CRISP2: variants seen among roughly 807,000 people sequenced by gnomAD.
The protein encoded by CRISP2 is cysteine-rich secretory protein 2.
Under a neutral mutation model 31.7 loss-of-function variants are expected in CRISP2, and 29 were observed. The ratio of observed to expected loss-of-function variants is 0.92; its 90% CI spans 0.68 to 1.25. The LOEUF is 1.25. Among genes scored for constraint, CRISP2 ranks in the 50% most tolerant of loss-of-function variants. CRISP2 has a pLI of 0.00. For synonymous variants in CRISP2, 111 were observed against 101.4 expected (o/e 1.09, Z -0.57); for missense variants, 318 against 286.5 (o/e 1.11, Z -0.79).
At chr6:49,680,862 A>G in the CRISP2 span, among the ~76,000 whole-genome samples, 1 of 151,800 alleles carries the variant, frequency 6.6e-6, no homozygotes, top group Non-Finnish European at 1.5e-5. Context: ...TTTTTCTTGT[A>G]AATTTAAGTT....
chr6:49,701,861 TTATTATATATTATG>T (rs1322580416), intron 4 of CRISP2, among the ~76,000 whole-genome samples: 2 of 102,758 alleles, frequency 1.9e-5, no homozygotes, highest in East Asian at 2.6e-4. Flanking sequence ...ATAATATATA[TTATTATATATTATG>T]TATTATATAT....
At chr6:49,700,035 T>A (rs1765400922) in intron 5 of CRISP2, 144 bp from the exon 6 acceptor site, 2 of 748,384 alleles carry the variant, frequency 2.7e-6, no homozygotes, top group African/African-American at 3.5e-5. Context: ...TAAGTGTTTT[T>A]ATCTCTTCTG....
chr6:49,694,832 CAAGCGATT>C, intron 9 of CRISP2, among the ~76,000 whole-genome samples: 1 of 150,218 alleles, frequency 6.7e-6, no homozygotes, highest in South Asian at 2.1e-4. Flanking sequence ...CTCCTGGGTT[CAAGCGATT>C]CTCCTGCCTC....
chr6:49,679,020 C>T, the CRISP2 span, among the ~76,000 whole-genome samples: 3 of 152,260 alleles, frequency 2.0e-5, no homozygotes, highest in Middle Eastern at 3.4e-3. Context: ...ATTCTGTTAA[C>T]ATTTAATATC....
chr6:49,678,637 T>C, the CRISP2 span, among the ~76,000 whole-genome samples: 6 of 152,216 alleles, frequency 3.9e-5, no homozygotes, highest in East Asian at 1.9e-4. Context: ...GGGATTTAAA[T>C]TGAAGGAGGT....
At position 49,702,139 on chromosome 6, in the gene CRISP2, CTATATATATATATATATATATAT is replaced by C. The variant is rs1226444008; in HGVS notation, c.67-1378_67-1356del. On this transcript the variant is annotated intron_variant, in intron 4 of 9. Transcript: ENST00000339139. ...TATGTATACATTATATATATGTGTACTATATATATATATATATATATATATATATATATATATATATATAACAT... is the reference window on the plus strand; with the variant it reads ...TATGTATACATTATATATATGTGTACATATATATATATATATATATAACAT... Among the ~76,000 whole-genome samples, 85 of 91,526 alleles carry C rather than the reference CTATATATATATATATATATATAT, an allele frequency of 9.3e-4. 3 individuals carry two copies. The highest frequency in any genetic ancestry group is 9.6e-3 in the Middle Eastern group (1 of 104). The allele number at this position is 91,526 out of a possible 152,430, so 60.0% of individuals were successfully genotyped here. A position where few individuals can be genotyped will look rare whatever the true frequency, so the allele number is the denominator to read the frequency against.
the CRISP2 span, among the ~76,000 whole-genome samples, chr6:49,678,395 C>G: frequency 2.6e-5 from 4 of 152,228 alleles, no homozygotes; most frequent in Middle Eastern, 3.4e-3. Flanking sequence ...TAAATAAACT[C>G]CAATTGCTTT....
chr6:49,700,936 A>G, intron 4 of CRISP2, 152 bp from the exon 5 acceptor site: 1 of 512,974 alleles, frequency 1.9e-6, no homozygotes, highest in Middle Eastern at 5.3e-4. Flanking sequence ...TTTAAATAAT[A>G]AAAGCCAATA....
intron 4 of CRISP2, among the ~76,000 whole-genome samples, chr6:49,708,871 T>A (rs1485222234): frequency 6.6e-6 from 1 of 152,182 alleles, no homozygotes; most frequent in African/African-American, 2.4e-5. Flanking sequence ...TTTCTTACCA[T>A]CAGAGTACAT....
Position 49,698,260 on chromosome 6 carries a change from C to T in CRISP2, c.417+102G>A, listed in dbSNP as rs532163808. 7.9e-5 allele frequency: 106 copies of T among 1,345,014 alleles called. 1 individual carries two copies. The highest frequency in any genetic ancestry group is 3.0e-4 in the Admixed American group (14 of 47,032). 83.3% of individuals were successfully genotyped at this position (1,345,014 alleles called of 1,614,324 possible). A position where few individuals can be genotyped will look rare whatever the true frequency, so the allele number is the denominator to read the frequency against. ...ATGCCAAGACTGTATTCTACCCACT[C>T]GGACTGTTCTCCTAAATTGAACATT... is the stretch of plus-strand genomic sequence containing the variant. On this transcript the variant is annotated intron_variant, in intron 7 of 9. Transcript: ENST00000339139.
At chr6:49,682,128 C>G in the CRISP2 span, among the ~76,000 whole-genome samples, 8 of 152,156 alleles carry the variant, frequency 5.3e-5, no homozygotes, top group Middle Eastern at 3.4e-3. Context: ...ACTATTTCAT[C>G]CTTTCCTCAT....
rs1327130861 is a variant in CRISP2, at chr6:49,713,543, C to A, written c.-219G>T. On this transcript the variant is annotated 5_prime_UTR_variant, in exon 1 of 10. Coordinates refer to ENST00000339139, the MANE Select transcript of CRISP2 (RefSeq NM_003296.4). ...GGCGCGTTGCGGCGTTGAGGAGCTG[C>A]GGCGCGCCCCTCTCACCGCGATTGT... 8.5e-5 allele frequency: 13 copies of A among 152,364 alleles called. No homozygotes were observed. Among genetic ancestry groups the A allele is most frequent in the African/African-American group, 3.1e-4 (13 of 41,570 alleles). 9.4% of individuals were successfully genotyped at this position (152,364 alleles called of 1,614,324 possible).
chr6:49,695,844 C>G lies in CRISP2; in HGVS notation c.596G>C (p.Gly199Ala). 1 of 1,610,178 alleles carries G rather than the reference C, an allele frequency of 6.2e-7. No homozygotes were observed. Among genetic ancestry groups the G allele is most frequent in the Non-Finnish European group, 8.5e-7 (1 of 1,177,030 alleles). Residue 199 changes from glycine (G) to alanine (A), a missense_variant, in exon 9 of 10, where the codon GGA becomes GCA. Physicochemically the swap from Gly to Ala is moderately conservative, Grantham distance 60. Coordinates refer to ENST00000339139, the MANE Select transcript of CRISP2 (RefSeq NM_003296.4). ...AATCACTTCAAACTTACTGCATAGT[C>G]CTTTGTCACAGTCATCAGGGCAACC... is the stretch of plus-strand genomic sequence containing the variant. Reference protein sequence around the residue: ...CAGCPDDCDKGLCTNSCQYQD... With the variant: ...CAGCPDDCDKALCTNSCQYQD...
At chr6:49,711,507 C>T (rs754306851) in intron 2 of CRISP2, among the ~76,000 whole-genome samples, 186 bp from the exon 3 acceptor site, 22 of 152,236 alleles carry the variant, frequency 1.4e-4, no homozygotes, top group Middle Eastern at 3.4e-3. Context: ...ATTTGCTTCC[C>T]ACATAGTTTT....
downstream of CRISP2, among the ~76,000 whole-genome samples, chr6:49,688,010 A>C (rs1465402864): frequency 5.3e-5 from 8 of 152,136 alleles, no homozygotes; most frequent in African/African-American, 1.9e-4. Context: ...CCTTCCTTTG[A>C]TATGCCGAGG....
the CRISP2 span, among the ~76,000 whole-genome samples, chr6:49,680,541 T>C: frequency 6.6e-6 from 1 of 152,202 alleles, no homozygotes; most frequent in African/African-American, 2.4e-5. Flanking sequence ...CTGAGTTGAA[T>C]GGTATTTATG....
the CRISP2 span, among the ~76,000 whole-genome samples, chr6:49,682,587 TTTTCTTTCTTTCTTTCTTTCTTTCTTTC>T: frequency 4.8e-5 from 4 of 83,616 alleles, no homozygotes; most frequent in African/African-American, 1.8e-4. Flanking sequence ...CTTTCTTTCT[TTTTCTTTCTTTCTTTCTTTCTTTCTTTC>T]TTTCTTTCTT....
intron 9 of CRISP2, 90 bp downstream of exon 9, chr6:49,695,746 C>A (rs540642715): frequency 4.5e-5 from 47 of 1,050,734 alleles, no homozygotes; most frequent in Non-Finnish European, 6.0e-5. Context: ...TATTTCAATT[C>A]ATTACGTTAG....
chr6:49,699,320 C>T (rs1024721114), intron 6 of CRISP2, among the ~76,000 whole-genome samples: 2 of 151,790 alleles, frequency 1.3e-5, no homozygotes, highest in Admixed American at 1.3e-4. Flanking sequence ...CTTTTATCCA[C>T]TTTAGAGCAA....
Sources: allele counts gnomAD v4.1 joint callset (sites outside exome capture counted in the v4.1 genomes callset), GRCh38; gene constraint gnomAD v4.1.1; transcripts MANE v1.5; gene names NCBI Gene and HGNC (gene_info 2026-07-23, HGNC 2026-07-21).